Variants in ATP12A observed in about 807,000 individuals in gnomAD.
ATP12A encodes the protein ATPase H+/K+ transporting non-gastric alpha2 subunit.
ATP12A carries 81 observed loss-of-function variants against 111.2 expected under a neutral mutation model. The ratio of observed to expected loss-of-function variants is 0.73; its 90% CI spans 0.61 to 0.88. ATP12A has a LOEUF of 0.88. Ranked by LOEUF, ATP12A falls within the 40% of genes least tolerant of loss-of-function variation. The probability of loss-of-function intolerance (pLI) is 0.00; values close to 1 mark genes in which losing one functional copy is unlikely to be tolerated. For synonymous variants in ATP12A, 498 were observed against 499.8 expected (o/e 1.00, Z 0.05); for missense variants, 1,196 against 1,313.1 (o/e 0.91, Z 1.38).
In ATP12A at chr13:24,680,488, C is replaced by G. The variant is rs1874384876; in HGVS notation, c.-256C>G. The stretch of plus-strand genomic sequence containing the variant: ...CCGGCGGGTTTCCTACCCTCCGAGG[C>G]GTCCGCTGGCCTGCGCCCTGGCGGG... On this transcript the variant is annotated 5_prime_UTR_variant, in exon 1 of 23. Transcript: ENST00000381946. The G allele has an allele frequency of 2.2e-6, 1 of 450,160 alleles. No homozygotes were observed. The highest frequency in any genetic ancestry group is 3.9e-5 in the East Asian group (1 of 25,848). The allele number at this position is 450,160 out of a possible 1,614,324, so 27.9% of individuals were successfully genotyped here.
chr13:24,696,868 C>A (rs1875191554), intron 11 of ATP12A, among the ~76,000 whole-genome samples: 1 of 152,030 alleles, frequency 6.6e-6, no homozygotes, highest in African/African-American at 2.4e-5. Flanking sequence ...CTTTAGATGT[C>A]ATGGCCTTGG....
At chr13:24,700,413 C>T (rs1213858074) in intron 12 of ATP12A, among the ~76,000 whole-genome samples, 1 of 152,162 alleles carries the variant, frequency 6.6e-6, no homozygotes, top group Non-Finnish European at 1.5e-5. Flanking sequence ...TGAAATGTGT[C>T]TCTGCCCTGA....
At position 24,695,600 on chromosome 13, in the gene ATP12A, CTTTTT is replaced by C. The variant is rs34227271; in HGVS notation, c.1512+1042_1512+1046del. Among the ~76,000 whole-genome samples, 563 of 88,410 alleles carry C rather than the reference CTTTTT, an allele frequency of 6.4e-3. 1 individual carries two copies. Among genetic ancestry groups the C allele is most frequent in the African/African-American group, 0.025 (525 of 20,858 alleles). 58.0% of individuals were successfully genotyped at this position (88,410 alleles called of 152,430 possible). A position where few individuals can be genotyped will look rare whatever the true frequency, so the allele number is the denominator to read the frequency against. On this transcript the variant is annotated intron_variant, in intron 11 of 22. Coordinates refer to ENST00000381946, the MANE Select transcript of ATP12A (RefSeq NM_001676.7). The stretch of plus-strand genomic sequence containing the variant: ...TGGAATTTAGGGTTAGGGAAGAACT[CTTTTT>C]TTTTTTTTTTTTTTTTTTTGAGAAG...
intron 2 of ATP12A, among the ~76,000 whole-genome samples, chr13:24,683,147 G>A (rs1161009896): frequency 3.3e-5 from 5 of 151,978 alleles, no homozygotes; most frequent in African/African-American, 4.8e-5. Flanking sequence ...TAGTAGAGAC[G>A]GGGTTTCCCC....
chr13:24,700,013 T>C (rs1185738418), intron 12 of ATP12A, among the ~76,000 whole-genome samples: 1 of 152,240 alleles, frequency 6.6e-6, no homozygotes, highest in Admixed American at 6.5e-5. Context: ...CACTTGCGTT[T>C]GATTTCTCAA....
intron 14 of ATP12A, chr13:24,704,707 T>C (rs1422380900): frequency 2.1e-5 from 5 of 237,464 alleles, no homozygotes; most frequent in Non-Finnish European, 4.3e-5. Flanking sequence ...AAAGACATAA[T>C]CTTCCTACGA....
At chr13:24,689,719 A>G (rs917383928) in intron 5 of ATP12A, among the ~76,000 whole-genome samples, 2 of 151,898 alleles carry the variant, frequency 1.3e-5, no homozygotes, top group Non-Finnish European at 2.9e-5. Flanking sequence ...TTTATCTGTG[A>G]CCATTTTTGC....
chr13:24,693,122 A>G lies in ATP12A; in HGVS notation c.1377+226A>G, dbSNP rs147362225. 5.3e-3 allele frequency among the ~76,000 whole-genome samples: 809 copies of G among 152,346 alleles called. 1 individual carries two copies. The highest frequency in any genetic ancestry group is 7.0e-3 in the Non-Finnish European group (474 of 68,024). ...CAGAATATTGCTTTAGCGTCTTCAG[A>G]AAATTCTGGAAATGAATGCACTTCT... On this transcript the variant is annotated intron_variant, in intron 10 of 22. Coordinates refer to ENST00000381946, the MANE Select transcript of ATP12A (RefSeq NM_001676.7).
chr13:24,711,236 C>G, intron 21 of ATP12A, 82 bp from the exon 22 acceptor site: 1 of 1,278,544 alleles, frequency 7.8e-7, no homozygotes, highest in South Asian at 1.3e-5. Context: ...GACAAATGAA[C>G]GAGAAGCCCC....
At chr13:24,703,003 T>G (rs572108572) in intron 14 of ATP12A, among the ~76,000 whole-genome samples, 3 of 152,286 alleles carry the variant, frequency 2.0e-5, no homozygotes, top group African/African-American at 7.2e-5. Context: ...CCCAAGCACT[T>G]AGGTCTTTTA....
At chr13:24,691,797 AG>A (rs1357162180) in intron 8 of ATP12A, among the ~76,000 whole-genome samples, 2 of 151,972 alleles carry the variant, frequency 1.3e-5, no homozygotes, top group Non-Finnish European at 2.9e-5. Context: ...GTAGGAGAGG[AG>A]GGGGTTTATG....
In ATP12A at chr13:24,696,628, C is replaced by T. The variant is rs1294630178; in HGVS notation, c.1513-2030C>T. On this transcript the variant is annotated intron_variant, in intron 11 of 22. Transcript: ENST00000381946. ...TCGGGAGGCTGAGGCAGGAGAATGG[C>T]GTGAACCCGGGAAGCGGAGCTTGCA... 1.7e-5 allele frequency among the ~76,000 whole-genome samples: 2 copies of T among 118,318 alleles called. 1 individual carries two copies. The highest frequency in any genetic ancestry group is 3.5e-5 in the Non-Finnish European group (2 of 57,782). 77.6% of individuals were successfully genotyped at this position (118,318 alleles called of 152,430 possible).
intron 11 of ATP12A, among the ~76,000 whole-genome samples, chr13:24,696,424 G>GCCTGTGTGAGTTCCTGCTGAAGA (rs1555254814): frequency 6.0e-4 from 81 of 134,246 alleles, no homozygotes; most frequent in East Asian, 1.7e-3. Context: ...GGGGAGAGGG[G>GCCTGTGTGAGTTCCTGCTGAAGA]GGCCGGGCGC....
Position 24,692,810 on chromosome 13 carries a change from A to G in ATP12A, c.1291A>G (p.Arg431Gly), listed in dbSNP as rs1446941678. The G allele has an allele frequency of 6.2e-7, 1 of 1,614,100 alleles. No individual in the cohort carries two copies. Among genetic ancestry groups the G allele is most frequent in the Non-Finnish European group, 8.5e-7 (1 of 1,180,042 alleles). ...AGACCAAGTCTTTGACCAAAGCTCTAGGACTTGGGCCTCCTTATCCAAGAT... is the reference window on the plus strand; with the variant it reads ...AGACCAAGTCTTTGACCAAAGCTCTGGGACTTGGGCCTCCTTATCCAAGAT... ...HSNQVFDQSS[R>G]TWASLSKIIT... The change falls in exon 10 of 23, where the codon AGG becomes GGG. Residue 431 changes from arginine (R) to glycine (G), a missense_variant. By Grantham distance (125) the Arg-to-Gly change is moderately radical. Around this residue, in one of 3 missense-constraint regions of ATP12A, gnomAD observed 1,126 missense variants for 1,228.5 expected, o/e 0.92. Transcript: ENST00000381946.
intron 20 of ATP12A, 87 bp downstream of exon 20, chr13:24,710,680 G>A (rs1875927875): frequency 1.2e-6 from 2 of 1,606,054 alleles, no homozygotes; most frequent in South Asian, 1.1e-5. Context: ...ACAGAGTTCT[G>A]GCCACACTTG....
intron 11 of ATP12A, among the ~76,000 whole-genome samples, chr13:24,697,495 C>G (rs1271706715): frequency 1.3e-5 from 2 of 151,954 alleles, no homozygotes; most frequent in Admixed American, 1.3e-4. Flanking sequence ...ACGAAATTAG[C>G]TGGGCATGGT....
Position 24,711,584 on chromosome 13 carries a change from C to T in ATP12A, c.*62C>T, listed in dbSNP as rs1875974646. The T allele has an allele frequency of 1.2e-6, 2 of 1,605,480 alleles. No homozygotes were observed. The highest frequency in any genetic ancestry group is 2.2e-5 in the South Asian group (2 of 90,782). On this transcript the variant is annotated 3_prime_UTR_variant, in exon 23 of 23. Transcript: ENST00000381946. The stretch of plus-strand genomic sequence containing the variant: ...GGGGCACACTTGTTCATCTTCTGAC[C>T]GTTTGCTGGGCTATTCCCCTGCAGT...
chr13:24,708,555 C>A (rs1417928102), intron 17 of ATP12A, among the ~76,000 whole-genome samples: 2 of 152,050 alleles, frequency 1.3e-5, no homozygotes, highest in African/African-American at 4.8e-5. Context: ...CTTCTCCAGG[C>A]CTGGTGCGGG....
chr13:24,700,796 A>G lies in ATP12A; in HGVS notation c.1755A>G (p.Ser585=). 1 of 1,614,070 alleles carries G rather than the reference A, an allele frequency of 6.2e-7. No homozygotes were observed. The highest frequency in any genetic ancestry group is 1.7e-5 in the Admixed American group (1 of 60,024). ...CAGACGAGTTTCCAGAAACCTACTC[A>G]TTTGACATAGACGCTATGAACTTTC... ...LPADEFPETY[S]FDIDAMNFPT... The change falls in exon 13 of 23, where the codon TCA becomes TCG. Residue 585 remains serine, a synonymous_variant. Coordinates refer to ENST00000381946, the MANE Select transcript of ATP12A (RefSeq NM_001676.7).
Sources: gnomAD v4.1 joint callset for allele counts (sites outside exome capture counted in the v4.1 genomes callset) on GRCh38, gnomAD v4.1.1 for gene constraint, gnomAD v4.1.1 regional missense constraint, MANE v1.5 for transcripts, NCBI Gene and HGNC (gene_info 2026-07-23, HGNC 2026-07-21) for gene names.